Variants in KCNJ6 observed in about 807,000 individuals in gnomAD.
The protein encoded by KCNJ6 is potassium inwardly rectifying channel subfamily J member 6.
In KCNJ6, 9 loss-of-function variants were observed where a neutral mutation model predicts 34.2. That is an observed-to-expected ratio of 0.26 (90% CI 0.16 to 0.46). The LOEUF is 0.46. Ranked by LOEUF, KCNJ6 falls within the 20% of genes least tolerant of loss-of-function variation. KCNJ6 has a pLI of 1.00. For missense variants in KCNJ6, 236 were observed against 531.3 expected (o/e 0.44, Z 5.46); for synonymous variants, 196 against 207.1 (o/e 0.95, Z 0.46).
At chr21:37,882,629 G>C (rs1374220828) in intron 1 of KCNJ6, among the ~76,000 whole-genome samples, 1 of 152,190 alleles carries the variant, frequency 6.6e-6, no homozygotes, top group Admixed American at 6.5e-5. Context: ...AAAACAGCAA[G>C]AGGTAAGGCT....
intron 2 of KCNJ6, among the ~76,000 whole-genome samples, chr21:37,788,442 A>G (rs189620441): frequency 6.6e-6 from 1 of 152,284 alleles, no homozygotes; most frequent in East Asian, 1.9e-4. Context: ...ACTTCCTATA[A>G]TTTGACCAAT....
chr21:37,809,894 A>G (rs2835977), intron 2 of KCNJ6, among the ~76,000 whole-genome samples: 117,348 of 152,174 alleles, frequency 0.77, 45,447 homozygotes, highest in East Asian at 0.91. Flanking sequence ...CCTGGAGATG[A>G]TAAAGCACAA....
chr21:37,903,926 C>A (rs2055829018), intron 1 of KCNJ6, among the ~76,000 whole-genome samples: 1 of 152,154 alleles, frequency 6.6e-6, no homozygotes, highest in Non-Finnish European at 1.5e-5. Context: ...AATAAAAGGA[C>A]AATTTACTTT....
In KCNJ6 at chr21:37,621,142, T is replaced by C. The variant is rs1198719631; in HGVS notation, c.*4017A>G. The C allele has an allele frequency of 6.6e-6, 1 of 152,208 alleles. No homozygotes were observed. Among genetic ancestry groups the C allele is most frequent in the Non-Finnish European group, 1.5e-5 (1 of 68,044 alleles). The allele number at this position is 152,208 out of a possible 1,614,324, so 9.4% of individuals were successfully genotyped here. The stretch of plus-strand genomic sequence containing the variant: ...CCTTGAAGATAATGTTTACAATATA[T>C]AGAGGACACTGAACTTTCAACTACC... On this transcript the variant is annotated 3_prime_UTR_variant, in exon 4 of 4. Transcript: ENST00000609713.
intron 3 of KCNJ6, among the ~76,000 whole-genome samples, chr21:37,626,724 CT>C (rs2054312920): frequency 6.6e-6 from 1 of 152,146 alleles, no homozygotes; most frequent in African/African-American, 2.4e-5. Context: ...CCAGGGCTGA[CT>C]TCTCCATTAG....
intron 1 of KCNJ6, among the ~76,000 whole-genome samples, chr21:37,875,948 T>A (rs544955592): frequency 6.6e-6 from 1 of 152,234 alleles, no homozygotes; most frequent in South Asian, 2.1e-4. Flanking sequence ...TGACTCTGTG[T>A]TGAGCTTTGA....
intron 1 of KCNJ6, among the ~76,000 whole-genome samples, chr21:37,847,002 T>C (rs1328258181): frequency 6.6e-6 from 1 of 152,192 alleles, no homozygotes; most frequent in African/African-American, 2.4e-5. Flanking sequence ...TACAGCATCA[T>C]TTATGTTGCC....
chr21:37,777,694 A>G (rs971065018), intron 2 of KCNJ6, among the ~76,000 whole-genome samples: 2 of 152,324 alleles, frequency 1.3e-5, no homozygotes, highest in East Asian at 1.9e-4. Context: ...ATTGGCCAAC[A>G]TATCAGGCGT....
chr21:37,729,168 T>A (rs1479611214), intron 2 of KCNJ6, among the ~76,000 whole-genome samples: 1 of 152,190 alleles, frequency 6.6e-6, no homozygotes, highest in Admixed American at 6.5e-5. Context: ...TGAATTTAAA[T>A]TTAGAATGTC....
intron 3 of KCNJ6, among the ~76,000 whole-genome samples, chr21:37,626,934 C>T (rs857977): frequency 0.17 from 26,082 of 152,078 alleles, 2,494 homozygotes; most frequent in East Asian, 0.32. Context: ...TCACCAGGGA[C>T]TCATGAATAT....
intron 3 of KCNJ6, among the ~76,000 whole-genome samples, chr21:37,698,555 G>C (rs112032083): frequency 0.016 from 2,440 of 152,288 alleles, 46 homozygotes; most frequent in East Asian, 0.047. Context: ...TTTGAGACAG[G>C]ATCTCGCTCT....
intron 3 of KCNJ6, among the ~76,000 whole-genome samples, chr21:37,634,029 ACTCT>A (rs1476776663): frequency 1.3e-5 from 2 of 152,166 alleles, no homozygotes; most frequent in Admixed American, 1.3e-4. Flanking sequence ...GTAGGGACTC[ACTCT>A]ATTAGATCAC....
intron 1 of KCNJ6, among the ~76,000 whole-genome samples, chr21:37,861,714 T>G (rs1056368292): frequency 6.6e-6 from 1 of 152,236 alleles, no homozygotes; most frequent in Non-Finnish European, 1.5e-5. Context: ...CCATAAAACA[T>G]GGAGTGACTA....
intron 1 of KCNJ6, among the ~76,000 whole-genome samples, chr21:37,881,956 G>A (rs955552352): frequency 9.2e-5 from 14 of 152,100 alleles, no homozygotes; most frequent in African/African-American, 1.4e-4. Context: ...AGAGACTTGG[G>A]GGTCTCACAG....
intron 1 of KCNJ6, among the ~76,000 whole-genome samples, chr21:37,863,860 G>GTTT (rs56800970): frequency 3.7e-5 from 3 of 81,078 alleles, no homozygotes; most frequent in African/African-American, 1.4e-4. Context: ...TTTTTTTTTT[G>GTTT]TTTTTTTTTT....
chr21:37,769,006 G>C (rs1161405901), intron 2 of KCNJ6, among the ~76,000 whole-genome samples: 2 of 152,210 alleles, frequency 1.3e-5, no homozygotes, highest in Admixed American at 1.3e-4. Context: ...GCCTGAGGAA[G>C]TCCAACCTAG....
intron 2 of KCNJ6, among the ~76,000 whole-genome samples, chr21:37,745,426 G>T (rs1329297201): frequency 2.6e-5 from 4 of 152,100 alleles, no homozygotes; most frequent in Non-Finnish European, 5.9e-5. Context: ...CCTGGCCATG[G>T]TTGCTGGTTT....
At chr21:37,769,746 A>G (rs1568842171) in intron 2 of KCNJ6, among the ~76,000 whole-genome samples, 1 of 152,192 alleles carries the variant, frequency 6.6e-6, no homozygotes, top group Non-Finnish European at 1.5e-5. Flanking sequence ...ATGGGATGGT[A>G]TTCAAAGGTG....
chr21:37,894,035 C>T (rs572125245), intron 1 of KCNJ6, among the ~76,000 whole-genome samples: 2 of 152,166 alleles, frequency 1.3e-5, no homozygotes, highest in African/African-American at 2.4e-5. Context: ...ACCCTGTCAC[C>T]CTCCATCACT....
Sources: gnomAD v4.1 joint callset for allele counts (sites outside exome capture counted in the v4.1 genomes callset) on GRCh38, gnomAD v4.1.1 for gene constraint, MANE v1.5 for transcripts, NCBI Gene and HGNC (gene_info 2026-07-23, HGNC 2026-07-21) for gene names.